Variants in SBF2 observed in about 807,000 individuals in gnomAD.
SBF2 encodes the protein myotubularin-related protein 13.
A neutral mutation model predicts 225.2 loss-of-function variants in SBF2; 112 were observed. The ratio of observed to expected loss-of-function variants is 0.50; its 90% CI spans 0.43 to 0.58. The LOEUF is 0.58. Ranked by LOEUF, SBF2 falls within the 20% of genes least tolerant of loss-of-function variation. The probability of loss-of-function intolerance (pLI) is 0.00; values close to 1 mark genes in which losing one functional copy is unlikely to be tolerated. For missense variants in SBF2, 1,996 were observed against 2,206.2 expected, an observed-to-expected ratio of 0.90 and a Z score of 1.91; for synonymous variants, 763 against 773.3, an observed-to-expected ratio of 0.99 and a Z score of 0.22.
intron 17 of SBF2, among the ~76,000 whole-genome samples, chr11:9,878,717 C>T (rs1859496959): frequency 1.3e-5 from 2 of 152,142 alleles, no homozygotes; most frequent in Admixed American, 6.6e-5. Context: ...CAGAGGCTTG[C>T]TTCTAAGATT....
intron 6 of SBF2, among the ~76,000 whole-genome samples, chr11:10,014,857 C>T (rs954398844): frequency 6.6e-6 from 1 of 152,072 alleles, no homozygotes; most frequent in African/African-American, 2.4e-5. Context: ...AGGCCTGGTG[C>T]AGTGGCTCAT....
At chr11:10,090,427 T>C (rs904097737) in intron 2 of SBF2, among the ~76,000 whole-genome samples, 28 of 152,290 alleles carry the variant, frequency 1.8e-4, no homozygotes, top group African/African-American at 5.3e-4. Flanking sequence ...AGATGACCCA[T>C]GTCCATCTTA....
intron 2 of SBF2, among the ~76,000 whole-genome samples, chr11:10,160,241 TA>T (rs147192688): frequency 0.076 from 11,533 of 151,970 alleles, 612 homozygotes; most frequent in East Asian, 0.28. Context: ...CATGTGTTGG[TA>T]AAAAAAAGTG....
intron 16 of SBF2, among the ~76,000 whole-genome samples, chr11:9,936,892 A>G (rs974540461): frequency 6.6e-6 from 1 of 151,940 alleles, no homozygotes; most frequent in African/African-American, 2.4e-5. Context: ...ATGGCACATG[A>G]GAGCAAGAAC....
intron 2 of SBF2, among the ~76,000 whole-genome samples, chr11:10,077,586 G>T (rs1420828358): frequency 6.6e-6 from 1 of 152,190 alleles, no homozygotes; most frequent in African/African-American, 2.4e-5. Context: ...CAAGCCATAT[G>T]CAGAAAGCTG....
chr11:10,240,819 G>T lies in SBF2; in HGVS notation c.56-46832C>A, dbSNP rs1170077543. Among the ~76,000 whole-genome samples, 7 of 152,022 alleles carry T rather than the reference G, an allele frequency of 4.6e-5. No homozygotes were observed. The East Asian group carries it at 1.3e-3, about 29-fold the overall frequency. On this transcript the variant is annotated intron_variant, in intron 1 of 39. Coordinates refer to ENST00000256190, the MANE Select transcript of SBF2 (RefSeq NM_030962.4). ...AAAAACACTTATTATTAAATTTTAT[G>T]ACTCCAATCAATAAAAGTATTAAAG...
At chr11:10,211,646 C>T (rs1957948064) in intron 1 of SBF2, among the ~76,000 whole-genome samples, 1 of 152,092 alleles carries the variant, frequency 6.6e-6, no homozygotes, top group Non-Finnish European at 1.5e-5. Context: ...TGTAGGGGAC[C>T]AGGATAACGT....
intron 1 of SBF2, among the ~76,000 whole-genome samples, chr11:10,300,583 A>G (rs1964586203): frequency 6.6e-6 from 1 of 151,978 alleles, no homozygotes; most frequent in Admixed American, 6.6e-5. Flanking sequence ...CTGATATCAC[A>G]GGATCCCTAT....
chr11:9,851,817 C>T (rs1234470016), intron 21 of SBF2, among the ~76,000 whole-genome samples: 1 of 152,188 alleles, frequency 6.6e-6, no homozygotes, highest in Non-Finnish European at 1.5e-5. Context: ...GTCACCCAGG[C>T]TGGAGTGCAA....
At chr11:9,930,249 C>T (rs1864387088) in intron 16 of SBF2, among the ~76,000 whole-genome samples, 2 of 152,154 alleles carry the variant, frequency 1.3e-5, no homozygotes, top group Admixed American at 1.3e-4. Context: ...TACTTTTTTA[C>T]CAACCTAATA....
At chr11:10,300,654 T>G (rs1481009708) in intron 1 of SBF2, among the ~76,000 whole-genome samples, 1 of 152,124 alleles carries the variant, frequency 6.6e-6, no homozygotes, top group Non-Finnish European at 1.5e-5. Context: ...CTATGGATGA[T>G]TCAAATGGCC....
At chr11:10,293,506 T>C (rs1444574076) in intron 1 of SBF2, among the ~76,000 whole-genome samples, 2 of 152,180 alleles carry the variant, frequency 1.3e-5, no homozygotes, top group Admixed American at 6.5e-5. Flanking sequence ...CACGCGTTCC[T>C]TGGGGAGGTC....
chr11:10,067,818 A>G (rs1028335948), intron 2 of SBF2, among the ~76,000 whole-genome samples: 1 of 152,046 alleles, frequency 6.6e-6, no homozygotes, highest in Non-Finnish European at 1.5e-5. Flanking sequence ...ATTGAGCCCA[A>G]AAGGTTGAAG....
intron 2 of SBF2, among the ~76,000 whole-genome samples, chr11:10,058,072 C>A (rs953485357): frequency 5.3e-5 from 8 of 152,128 alleles, no homozygotes; most frequent in African/African-American, 7.2e-5. Context: ...AAGAACAGTG[C>A]GAGAACTCTG....
intron 2 of SBF2, among the ~76,000 whole-genome samples, chr11:10,103,942 G>A (rs984393973): frequency 1.3e-5 from 2 of 152,068 alleles, no homozygotes; most frequent in African/African-American, 4.8e-5. Flanking sequence ...AATTAGCCAA[G>A]CATGGTGATG....
intron 2 of SBF2, among the ~76,000 whole-genome samples, chr11:10,150,893 A>G (rs1760853194): frequency 6.6e-6 from 1 of 152,196 alleles, no homozygotes. Context: ...TCTTTTACCA[A>G]ATAAGGATAA....
At chr11:10,095,742 ATACTGATTTTAATCACACG>A (rs1261864046) in intron 2 of SBF2, among the ~76,000 whole-genome samples, 1 of 152,196 alleles carries the variant, frequency 6.6e-6, no homozygotes, top group South Asian at 2.1e-4. Context: ...TTAATCACAC[ATACTGATTTTAATCACACG>A]TACTGCTTTT....
At position 9,946,437 on chromosome 11, in the gene SBF2, TTTTC is replaced by T. The variant is rs149020480; in HGVS notation, c.1860+15516_1860+15519del. On this transcript the variant is annotated intron_variant, in intron 16 of 39. Transcript: ENST00000256190. ...TGCTGACAGGCTATTATATTTCTTT[TTTTC>T]TTTCTTTCTTTCTTTTTTTTTTTTT... Among the ~76,000 whole-genome samples, 551 of 148,630 alleles carry T rather than the reference TTTTC, an allele frequency of 3.7e-3. 3 individuals carry two copies. The highest frequency in any genetic ancestry group is 0.013 in the African/African-American group (518 of 40,512).
At chr11:10,250,228 T>C (rs2135484512) in intron 1 of SBF2, among the ~76,000 whole-genome samples, 1 of 152,262 alleles carries the variant, frequency 6.6e-6, no homozygotes, top group South Asian at 2.1e-4. Flanking sequence ...ACTAAAATTG[T>C]TTAGATATAC....
Sources: gnomAD v4.1 joint callset for allele counts (sites outside exome capture counted in the v4.1 genomes callset) on GRCh38, gnomAD v4.1.1 for gene constraint, MANE v1.5 for transcripts, NCBI Gene and HGNC (gene_info 2026-07-23, HGNC 2026-07-21) for gene names.